The following PIEZO2 variants were observed in gnomAD, a reference collection of about 807,000 sequenced individuals.
The protein encoded by PIEZO2 is piezo-type mechanosensitive ion channel component 2.
Under a neutral mutation model 337.3 loss-of-function variants are expected in PIEZO2, and 172 were observed. The ratio of observed to expected loss-of-function variants is 0.51; its 90% confidence interval spans 0.45 to 0.58. The LOEUF is 0.58. PIEZO2 is among the 20% of genes least tolerant of loss of function. The pLI, the probability that PIEZO2 is intolerant of heterozygous loss-of-function variation, is 0.00. For synonymous variants in PIEZO2, 1,251 were observed against 1,228.5 expected (o/e 1.02, Z -0.38); for missense variants, 3,028 against 3,391.3 (o/e 0.89, Z 2.66).
intron 39 of PIEZO2, among the ~76,000 whole-genome samples, chr18:10,710,729 G>A (rs901036967): frequency 4.6e-5 from 7 of 152,214 alleles, no homozygotes; most frequent in Non-Finnish European, 8.8e-5. Flanking sequence ...ACTGGGGAGT[G>A]GCAGCCTCCT....
Position 10,803,892 on chromosome 18 carries a change from G to A in PIEZO2, c.1183C>T (p.Pro395Ser). 3 of 1,537,274 alleles carry A rather than the reference G, an allele frequency of 2.0e-6. No individual in the cohort carries two copies. Among genetic ancestry groups the A allele is most frequent in the Non-Finnish European group, 2.6e-6 (3 of 1,146,924 alleles). Residue 395 changes from proline (P) to serine (S), a missense_variant, in exon 9 of 56, where the codon CCC becomes TCC. Physicochemically the swap from Pro to Ser is moderately conservative, Grantham distance 74. Coordinates refer to ENST00000674853, the MANE Select transcript of PIEZO2 (RefSeq NM_001378183.1). ...TGGCTTACTTTTCTCTCATCAGTGGGGTAATGGGTTGCGTACCACAGGCTC... is the reference window on the plus strand; with the variant it reads ...TGGCTTACTTTTCTCTCATCAGTGGAGTAATGGGTTGCGTACCACAGGCTC... ...RRSLWYATHY[P>S]TDERKLLSMT...
Position 10,697,656 on chromosome 18 carries a change from T to A in PIEZO2, c.6827+92A>T, listed in dbSNP as rs1203277504. On this transcript the variant is annotated intron_variant, in intron 45 of 55. Transcript: ENST00000674853. ...CAGATAACATTTGTGACACGAGAAG[T>A]TACTTCTCTGCTCTGCTCCTGGTTT... 2.7e-6 allele frequency: 4 copies of A among 1,486,302 alleles called. No individual in the cohort carries two copies. The African/African-American group carries it at 5.7e-5, about 21-fold the overall frequency. 92.1% of individuals were successfully genotyped at this position (1,486,302 alleles called of 1,614,324 possible).
At chr18:10,986,337 C>A (rs1451888806) in intron 2 of PIEZO2, among the ~76,000 whole-genome samples, 2 of 151,832 alleles carry the variant, frequency 1.3e-5, no homozygotes, top group African/African-American at 2.4e-5. Context: ...CAGTCCTCAA[C>A]AATATACTAG....
chr18:11,096,858 G>A lies in PIEZO2; in HGVS notation c.65-30636C>T, dbSNP rs1568370392. On this transcript the variant is annotated intron_variant, in intron 1 of 55. Coordinates refer to ENST00000674853, the MANE Select transcript of PIEZO2 (RefSeq NM_001378183.1). This position sits in a 1 kb window ranked among gnomAD's most constrained non-coding sequence, Gnocchi z 4.6. The stretch of plus-strand genomic sequence containing the variant: ...AATGGGAACAACATGGACTTCAGGG[G>A]GGTGGTACCACAGTGGCAGAGAATC... Among the ~76,000 whole-genome samples the A allele has an allele frequency of 6.6e-6, 1 of 152,114 alleles. No individual in the cohort carries two copies. Among genetic ancestry groups the A allele is most frequent in the Non-Finnish European group, 1.5e-5 (1 of 68,024 alleles).
chr18:10,798,846 T>C (rs1313429358), intron 11 of PIEZO2, among the ~76,000 whole-genome samples: 1 of 152,168 alleles, frequency 6.6e-6, no homozygotes, highest in Non-Finnish European at 1.5e-5. Flanking sequence ...AAGCACTGTG[T>C]TTCCTTGAAC....
chr18:10,759,351 G>T lies in PIEZO2; in HGVS notation c.3757+131C>A. The T allele has an allele frequency of 1.3e-6, 1 of 746,106 alleles. No individual in the cohort carries two copies. The highest frequency in any genetic ancestry group is 1.8e-5 in the South Asian group (1 of 55,646). The allele number at this position is 746,106 out of a possible 1,614,324, so 46.2% of individuals were successfully genotyped here. ...GCCATTAATGACTTGTGATATTAATGCATAAGACAAGCCTTTACATGATTA... is the reference window on the plus strand; with the variant it reads ...GCCATTAATGACTTGTGATATTAATTCATAAGACAAGCCTTTACATGATTA... On this transcript the variant is annotated intron_variant, in intron 26 of 55. Transcript: ENST00000674853. This position sits in a 1 kb window ranked among gnomAD's most constrained non-coding sequence, Gnocchi z 5.5.
In PIEZO2 at chr18:10,796,360, A is replaced by G. The variant is rs12965380; in HGVS notation, c.1527+1014T>C. Among the ~76,000 whole-genome samples, 24 of 131,636 alleles carry G rather than the reference A, an allele frequency of 1.8e-4. 1 individual carries two copies. Among genetic ancestry groups the G allele is most frequent in the South Asian group, 1.6e-3 (6 of 3,780 alleles). The allele number at this position is 131,636 out of a possible 152,430, so 86.4% of individuals were successfully genotyped here. ...ACTCCAGCCTGGGCAACAGAGCAAGACTCCATCTCAAAAAAAAAAAAAAAG... is the reference window on the plus strand; with the variant it reads ...ACTCCAGCCTGGGCAACAGAGCAAGGCTCCATCTCAAAAAAAAAAAAAAAG... On this transcript the variant is annotated intron_variant, in intron 12 of 55. Coordinates refer to ENST00000674853, the MANE Select transcript of PIEZO2 (RefSeq NM_001378183.1).
At chr18:10,949,377 T>A (rs2033179374) in intron 3 of PIEZO2, among the ~76,000 whole-genome samples, 1 of 152,156 alleles carries the variant, frequency 6.6e-6, no homozygotes, top group Non-Finnish European at 1.5e-5. Flanking sequence ...AAATAATGCT[T>A]TTAAAAAAGA....
chr18:10,771,608 G>A (rs2038606106), intron 20 of PIEZO2, among the ~76,000 whole-genome samples: 1 of 152,176 alleles, frequency 6.6e-6, no homozygotes. Flanking sequence ...AGCTAAGTAA[G>A]GTTCTAGTTA....
chr18:10,859,199 C>T lies in PIEZO2; in HGVS notation c.493-1988G>A, dbSNP rs1443905433. ...ACAAAGTTACCAGCCCTGTGAAAGT[C>T]CTGGCAAAGTGCATTCCGGGTGGAG... is the stretch of plus-strand genomic sequence containing the variant. On this transcript the variant is annotated intron_variant, in intron 5 of 55. Coordinates refer to ENST00000674853, the MANE Select transcript of PIEZO2 (RefSeq NM_001378183.1). The surrounding 1 kb of genome is among the most constrained non-coding windows in gnomAD (Gnocchi z 4.9). Among the ~76,000 whole-genome samples the T allele has an allele frequency of 6.6e-6, 1 of 152,164 alleles. No individual in the cohort carries two copies. The highest frequency in any genetic ancestry group is 1.5e-5 in the Non-Finnish European group (1 of 68,040).
intron 3 of PIEZO2, among the ~76,000 whole-genome samples, chr18:10,963,419 G>A (rs1262272337): frequency 6.6e-6 from 1 of 152,112 alleles, no homozygotes; most frequent in East Asian, 1.9e-4. Flanking sequence ...CAATAGAAAG[G>A]TCTCACCAAA....
intron 1 of PIEZO2, among the ~76,000 whole-genome samples, chr18:11,120,831 G>A (rs1398969260): frequency 6.6e-6 from 1 of 152,222 alleles, no homozygotes; most frequent in Non-Finnish European, 1.5e-5. Context: ...TCTGGGACCT[G>A]CGGTCAGAGA....
chr18:10,906,836 C>T (rs2029984942), intron 4 of PIEZO2, among the ~76,000 whole-genome samples: 2 of 152,138 alleles, frequency 1.3e-5, no homozygotes, highest in South Asian at 4.1e-4. Flanking sequence ...GCTGGGATTA[C>T]AGGAGTGAGC....
chr18:11,143,307 T>C lies in PIEZO2; in HGVS notation c.64+5218A>G, dbSNP rs1037545267. ...TATTCTAAGTTCTCCTGAATATTTA[T>C]GCAAAAAAGCATATTATACACATCA... is the stretch of plus-strand genomic sequence containing the variant. On this transcript the variant is annotated intron_variant, in intron 1 of 55. Coordinates refer to ENST00000674853, the MANE Select transcript of PIEZO2 (RefSeq NM_001378183.1). The surrounding 1 kb of genome is among the most constrained non-coding windows in gnomAD (Gnocchi z 4.9). Among the ~76,000 whole-genome samples, 3 of 152,144 alleles carry C rather than the reference T, an allele frequency of 2.0e-5. No individual in the cohort carries two copies. The highest frequency in any genetic ancestry group is 7.2e-5 in the African/African-American group (3 of 41,450).
At chr18:10,836,093 GATTACA>G (rs1201820604) in intron 7 of PIEZO2, among the ~76,000 whole-genome samples, 1 of 152,078 alleles carries the variant, frequency 6.6e-6, no homozygotes, top group African/African-American at 2.4e-5. Context: ...CCAGGTACTG[GATTACA>G]TGAGCAAAGT....
chr18:10,855,223 C>G lies in PIEZO2; in HGVS notation c.917+130G>C. 1.3e-6 allele frequency: 1 copy of G among 799,866 alleles called. No homozygotes were observed. The highest frequency in any genetic ancestry group is 2.0e-6 in the Non-Finnish European group (1 of 507,212). The allele number at this position is 799,866 out of a possible 1,614,324, so 49.5% of individuals were successfully genotyped here. A position where few individuals can be genotyped will look rare whatever the true frequency, so the allele number is the denominator to read the frequency against. On this transcript the variant is annotated intron_variant, in intron 7 of 55. Transcript: ENST00000674853. The surrounding 1 kb of genome is among the most constrained non-coding windows in gnomAD (Gnocchi z 4.9). ...TGCTAGACTGCTTCACCCACCCCCA[C>G]AAAATCTTTGCTTAACACAGCAATT...
intron 2 of PIEZO2, among the ~76,000 whole-genome samples, chr18:11,008,844 C>T (rs1380901405): frequency 6.6e-6 from 1 of 152,134 alleles, no homozygotes; most frequent in African/African-American, 2.4e-5. Context: ...AGCGGGTGTT[C>T]TAAAGGCTTA....
In PIEZO2 at chr18:11,109,020, G is replaced by T. The variant is rs60654914; in HGVS notation, c.64+39505C>A. 0.033 allele frequency among the ~76,000 whole-genome samples: 5,051 copies of T among 152,262 alleles called. 280 individuals are homozygous for T. The highest frequency in any genetic ancestry group is 0.11 in the African/African-American group (4,707 of 41,534). On this transcript the variant is annotated intron_variant, in intron 1 of 55. Transcript: ENST00000674853. The surrounding 1 kb of genome is among the most constrained non-coding windows in gnomAD (Gnocchi z 5.1). Reference sequence around the variant, plus strand: ...TGTCAGTACCACCAGCACCAAGGTGGGGGCGAACCCAGCCCACCAACAACT... The same window carrying T: ...TGTCAGTACCACCAGCACCAAGGTGTGGGCGAACCCAGCCCACCAACAACT...
chr18:11,120,135 A>G (rs945379353), intron 1 of PIEZO2, among the ~76,000 whole-genome samples: 6 of 152,144 alleles, frequency 3.9e-5, no homozygotes, highest in African/African-American at 1.4e-4. Context: ...CTGTCCCTAA[A>G]ATGACGACCA....
Sources: gnomAD v4.1 joint callset for allele counts (sites outside exome capture counted in the v4.1 genomes callset) on GRCh38, gnomAD v4.1.1 for gene constraint, Gnocchi (gnomAD v3.1) non-coding constraint, MANE v1.5 for transcripts, NCBI Gene and HGNC (gene_info 2026-07-23, HGNC 2026-07-21) for gene names.